Variants in MORC1 observed in about 807,000 individuals in gnomAD.
The protein encoded by MORC1 is MORC family CW-type zinc finger protein 1.
In MORC1, 59 loss-of-function variants were observed where a neutral mutation model predicts 134.9. The observed-to-expected ratio is 0.44, with a 90% CI of 0.35 to 0.54. MORC1 has a LOEUF of 0.54. Ranked by LOEUF, MORC1 falls within the 20% of genes least tolerant of loss-of-function variation. The pLI is 0.00. For missense variants in MORC1, 947 were observed against 1,134.5 expected (o/e 0.83, Z 2.37); for synonymous variants, 395 against 391.7 (o/e 1.01, Z -0.10).
At chr3:109,108,358 C>T (rs935874101) in intron 3 of MORC1, among the ~76,000 whole-genome samples, 4 of 152,188 alleles carry the variant, frequency 2.6e-5, no homozygotes, top group Admixed American at 6.5e-5. Flanking sequence ...ATTCTGATTA[C>T]ATTTGTTATA....
intron 8 of MORC1, among the ~76,000 whole-genome samples, chr3:109,088,804 G>T (rs1444083725): frequency 6.6e-6 from 1 of 152,080 alleles, no homozygotes; most frequent in Non-Finnish European, 1.5e-5. Flanking sequence ...CAATAGCAAA[G>T]ATATGGAACC....
At chr3:109,014,561 T>C (rs1004482060) in intron 17 of MORC1, among the ~76,000 whole-genome samples, 26 of 152,210 alleles carry the variant, frequency 1.7e-4, no homozygotes, top group African/African-American at 5.5e-4. Context: ...CACTCTGGGA[T>C]GAGTCTTGTT....
At chr3:109,007,404 ACT>A (rs1948566580) in intron 17 of MORC1, among the ~76,000 whole-genome samples, 1 of 151,724 alleles carries the variant, frequency 6.6e-6, no homozygotes, top group Non-Finnish European at 1.5e-5. Context: ...TTCTCTCAAG[ACT>A]CTGTTCCCCA....
intron 17 of MORC1, among the ~76,000 whole-genome samples, chr3:109,018,484 G>A (rs1475514988): frequency 6.6e-6 from 1 of 151,864 alleles, no homozygotes; most frequent in Non-Finnish European, 1.5e-5. Flanking sequence ...CCTACCCCCA[G>A]AGATCTGTTT....
At chr3:109,025,383 T>C (rs1189957687) in intron 17 of MORC1, among the ~76,000 whole-genome samples, 3 of 82,222 alleles carry the variant, frequency 3.6e-5, no homozygotes, top group South Asian at 8.6e-4. Context: ...TTTTTTCTTT[T>C]TTTTTTTTTT....
chr3:109,004,561 A>T (rs185315306), intron 20 of MORC1, among the ~76,000 whole-genome samples: 14 of 152,304 alleles, frequency 9.2e-5, no homozygotes, highest in Admixed American at 9.2e-4. Context: ...ATGTGTTGTG[A>T]TTCTTTTCAA....
At chr3:109,075,375 G>T (rs1426316389) in intron 8 of MORC1, among the ~76,000 whole-genome samples, 1 of 152,124 alleles carries the variant, frequency 6.6e-6, no homozygotes, top group African/African-American at 2.4e-5. Flanking sequence ...GAAAATATTT[G>T]CCCATGCCTA....
chr3:108,963,209 C>T (rs184898618), intron 27 of MORC1, among the ~76,000 whole-genome samples: 11 of 150,872 alleles, frequency 7.3e-5, no homozygotes, highest in African/African-American at 1.7e-4. Context: ...AAAAAAGATA[C>T]GAAAGAACAC....
chr3:109,026,892 G>A (rs923159160), intron 17 of MORC1, among the ~76,000 whole-genome samples: 2 of 152,242 alleles, frequency 1.3e-5, no homozygotes, highest in African/African-American at 4.8e-5. Flanking sequence ...GGTTTCTTTG[G>A]TTGTAATCTC....
At chr3:109,061,809 T>G (rs966746881) in intron 11 of MORC1, among the ~76,000 whole-genome samples, 179 bp downstream of exon 11, 7 of 152,186 alleles carry the variant, frequency 4.6e-5, no homozygotes, top group South Asian at 2.1e-4. Context: ...ACTTGCTGAG[T>G]TTCCTCTCCT....
intron 4 of MORC1, chr3:109,101,537 A>C (rs1270257298): frequency 1.3e-5 from 2 of 152,240 alleles, no homozygotes; most frequent in African/African-American, 2.4e-5. Flanking sequence ...GATATGCTAT[A>C]GTTCAGTGGC....
intron 24 of MORC1, among the ~76,000 whole-genome samples, chr3:108,974,090 C>T (rs1361309738): frequency 1.3e-5 from 2 of 152,094 alleles, no homozygotes; most frequent in Non-Finnish European, 2.9e-5. Context: ...CCTTCAGTGT[C>T]TGTCTCCCTC....
intron 27 of MORC1, among the ~76,000 whole-genome samples, chr3:108,959,691 CA>C (rs1436779161): frequency 6.6e-6 from 1 of 152,084 alleles, no homozygotes; most frequent in Admixed American, 6.6e-5. Context: ...GTTGGGTCTT[CA>C]AAAAGTTCAT....
In MORC1 at chr3:109,099,549, T is replaced by G. The variant is rs183042792; in HGVS notation, c.315-83A>C. On this transcript the variant is annotated intron_variant, in intron 5 of 27. Transcript: ENST00000232603. ...CAGGCAGACTGTTATCACCGTGTACTGTAACAGGATGTTCTTTCCAACACT... is the reference window on the plus strand; with the variant it reads ...CAGGCAGACTGTTATCACCGTGTACGGTAACAGGATGTTCTTTCCAACACT... The G allele has an allele frequency of 1.3e-5, 13 of 980,288 alleles. 1 individual carries two copies. Among genetic ancestry groups the G allele is most frequent in the Middle Eastern group, 5.3e-4 (2 of 3,800 alleles). The allele number at this position is 980,288 out of a possible 1,614,324, so 60.7% of individuals were successfully genotyped here. A position where few individuals can be genotyped will look rare whatever the true frequency, so the allele number is the denominator to read the frequency against.
intron 8 of MORC1, among the ~76,000 whole-genome samples, chr3:109,074,099 C>G (rs879526606): frequency 3.9e-5 from 6 of 152,128 alleles, no homozygotes; most frequent in Non-Finnish European, 7.4e-5. Flanking sequence ...TAGAAACATG[C>G]TGGCAACGTG....
chr3:109,091,398 G>A (rs1950720916), intron 8 of MORC1, among the ~76,000 whole-genome samples: 1 of 151,230 alleles, frequency 6.6e-6, no homozygotes. Context: ...GAGCCAAGAT[G>A]GCACCACTGC....
At chr3:109,015,648 A>G (rs570682965) in intron 17 of MORC1, among the ~76,000 whole-genome samples, 128 of 152,258 alleles carry the variant, frequency 8.4e-4, no homozygotes, top group African/African-American at 2.8e-3. Context: ...GATTATTATC[A>G]ATGTTCTTCA....
intron 27 of MORC1, among the ~76,000 whole-genome samples, chr3:108,960,784 T>G (rs1356883636): frequency 6.6e-6 from 1 of 152,160 alleles, no homozygotes; most frequent in African/African-American, 2.4e-5. Flanking sequence ...AGTCCTGATC[T>G]GACTCCTTCT....
At chr3:109,036,099 T>C (rs979931461) in intron 14 of MORC1, among the ~76,000 whole-genome samples, 2 of 149,646 alleles carry the variant, frequency 1.3e-5, no homozygotes, top group Non-Finnish European at 1.5e-5. Flanking sequence ...TAAGTTGCCA[T>C]GTATATTATA....
Sources: gnomAD v4.1 joint callset for allele counts (sites outside exome capture counted in the v4.1 genomes callset) on GRCh38, gnomAD v4.1.1 for gene constraint, MANE v1.5 for transcripts, NCBI Gene and HGNC (gene_info 2026-07-23, HGNC 2026-07-21) for gene names.